The following RALGPS1 variants were observed in gnomAD, a reference collection of about 807,000 sequenced individuals.
RALGPS1 encodes Ral GEF with PH domain and SH3 binding motif 1.
In RALGPS1, 19 loss-of-function variants were observed where a neutral mutation model predicts 78.8. The observed-to-expected ratio is 0.24, with a 90% CI of 0.17 to 0.35. The LOEUF (loss-of-function observed/expected upper bound fraction) is 0.35. Among genes scored for constraint, RALGPS1 ranks in the 10% least tolerant of loss-of-function variants. The probability of loss-of-function intolerance (pLI) is 1.00; values close to 1 mark genes in which losing one functional copy is unlikely to be tolerated. For synonymous variants in RALGPS1, 228 were observed against 256.3 expected, an observed-to-expected ratio of 0.89 and a Z score of 1.06; for missense variants, 454 against 688.3, an observed-to-expected ratio of 0.66 and a Z score of 3.81.
chr9:127,083,755 C>T (rs1288125488), intron 8 of RALGPS1, among the ~76,000 whole-genome samples: 3 of 152,206 alleles, frequency 2.0e-5, no homozygotes, highest in Non-Finnish European at 4.4e-5. Context: ...TTAGCAGGTC[C>T]TTTGGTCTTT....
rs150529088 is a variant in RALGPS1 at position 127,091,809 on chromosome 9, G to A, written c.610+22453G>A. On this transcript the variant is annotated intron_variant, in intron 8 of 18. Coordinates refer to ENST00000259351, the MANE Select transcript of RALGPS1 (RefSeq NM_014636.3). This position sits in a 1 kb window ranked among gnomAD's most constrained non-coding sequence, Gnocchi z 4.3. ...TCTCAGGTTCCAGGCGGAAACTGGC[G>A]TATTCTGCAAAGACTTTGCGGCCGG... 7.7e-5 allele frequency: 125 copies of A among 1,614,186 alleles called. No individual in the cohort carries two copies. Among genetic ancestry groups the A allele is most frequent in the Middle Eastern group, 3.3e-4 (2 of 6,060 alleles).
At chr9:126,966,198 C>G (rs954080798) in intron 3 of RALGPS1, among the ~76,000 whole-genome samples, 1 of 152,132 alleles carries the variant, frequency 6.6e-6, no homozygotes, top group African/African-American at 2.4e-5. Flanking sequence ...ACTAAAGCAA[C>G]GTTTGTGGAG....
chr9:127,055,747 A>G (rs968967457), intron 7 of RALGPS1, among the ~76,000 whole-genome samples: 1 of 151,768 alleles, frequency 6.6e-6, no homozygotes, highest in Admixed American at 6.6e-5. Flanking sequence ...ATTCCAGCTT[A>G]CTCCCTGTCA....
At chr9:127,013,551 T>C (rs1301819273) in intron 4 of RALGPS1, among the ~76,000 whole-genome samples, 2 of 152,098 alleles carry the variant, frequency 1.3e-5, no homozygotes, top group Non-Finnish European at 2.9e-5. Flanking sequence ...TTTCCACCTG[T>C]CTGTCCCCAG....
chr9:126,940,622 T>C (rs2131415870), intron 1 of RALGPS1, among the ~76,000 whole-genome samples: 1 of 152,104 alleles, frequency 6.6e-6, no homozygotes, highest in East Asian at 1.9e-4. Context: ...TTTGTATTTG[T>C]AGTAGAGGTG....
rs144068098 is a variant in RALGPS1 at position 127,220,375 on chromosome 9, T to C, written c.*1606T>C. The C allele has an allele frequency of 5.3e-5, 8 of 152,320 alleles. No individual in the cohort carries two copies. The East Asian group carries it at 1.5e-3, about 29-fold the overall frequency. The allele number at this position is 152,320 out of a possible 1,614,324, so 9.4% of individuals were successfully genotyped here. A position where few individuals can be genotyped will look rare whatever the true frequency, so the allele number is the denominator to read the frequency against. On this transcript the variant is annotated 3_prime_UTR_variant, in exon 19 of 19. Coordinates refer to ENST00000259351, the MANE Select transcript of RALGPS1 (RefSeq NM_014636.3). Reference sequence around the variant, plus strand: ...TGTATTTTGACCAAATAATGACAACTTCTTTAGAAATTTGAATGGCTTGGT... The same window carrying C: ...TGTATTTTGACCAAATAATGACAACCTCTTTAGAAATTTGAATGGCTTGGT...
At chr9:126,922,421 T>G (rs1564255519) in intron 1 of RALGPS1, among the ~76,000 whole-genome samples, 1 of 152,214 alleles carries the variant, frequency 6.6e-6, no homozygotes, top group Non-Finnish European at 1.5e-5. Flanking sequence ...CCCACTGTTG[T>G]ATAAGCCTGA....
chr9:127,205,218 A>G lies in RALGPS1; in HGVS notation c.1247+6152A>G, dbSNP rs1288561010. On this transcript the variant is annotated intron_variant, in intron 14 of 18. Coordinates refer to ENST00000259351, the MANE Select transcript of RALGPS1 (RefSeq NM_014636.3). This position sits in a 1 kb window ranked among gnomAD's most constrained non-coding sequence, Gnocchi z 4.0. ...CACTGAGCCCTGGGCCATCTGTCCCAGCTTGGTGCATGACTCAGAGCCTGC... is the reference window on the plus strand; with the variant it reads ...CACTGAGCCCTGGGCCATCTGTCCCGGCTTGGTGCATGACTCAGAGCCTGC... Among the ~76,000 whole-genome samples the G allele has an allele frequency of 6.6e-6, 1 of 152,236 alleles. No homozygotes were observed. Among genetic ancestry groups the G allele is most frequent in the African/African-American group, 2.4e-5 (1 of 41,460 alleles).
intron 8 of RALGPS1, among the ~76,000 whole-genome samples, chr9:127,162,098 G>T (rs1041786894): frequency 6.6e-6 from 1 of 152,168 alleles, no homozygotes; most frequent in African/African-American, 2.4e-5. Context: ...TAAGGTTATT[G>T]TATGAGTTAA....
intron 5 of RALGPS1, among the ~76,000 whole-genome samples, chr9:127,042,566 A>C (rs1455957451): frequency 6.6e-6 from 1 of 152,252 alleles, no homozygotes; most frequent in African/African-American, 2.4e-5. Context: ...AACATCATAC[A>C]TAATGGTAAG....
intron 1 of RALGPS1, among the ~76,000 whole-genome samples, chr9:126,952,858 A>G (rs2037989521): frequency 6.6e-6 from 1 of 152,148 alleles, no homozygotes; most frequent in South Asian, 2.1e-4. Context: ...GAAAGGAGGA[A>G]GAGGCGGCTG....
chr9:127,045,247 TATA>T (rs2047651848), intron 5 of RALGPS1, among the ~76,000 whole-genome samples: 1 of 152,226 alleles, frequency 6.6e-6, no homozygotes, highest in South Asian at 2.1e-4. Context: ...TTTTGTTACG[TATA>T]ATATTACAAA....
At chr9:127,051,098 G>A (rs1212100585) in intron 6 of RALGPS1, among the ~76,000 whole-genome samples, 2 of 152,204 alleles carry the variant, frequency 1.3e-5, no homozygotes, top group African/African-American at 4.8e-5. Context: ...CCTCATGGGC[G>A]GGTTAAGTGC....
At chr9:127,203,378 T>C (rs1299293361) in intron 14 of RALGPS1, among the ~76,000 whole-genome samples, 1 of 152,148 alleles carries the variant, frequency 6.6e-6, no homozygotes, top group East Asian at 1.9e-4. Flanking sequence ...TTTTTAACAA[T>C]TGAAGTATGA....
At chr9:126,951,634 A>G (rs2037826758) in intron 1 of RALGPS1, among the ~76,000 whole-genome samples, 1 of 151,984 alleles carries the variant, frequency 6.6e-6, no homozygotes, top group East Asian at 1.9e-4. Flanking sequence ...CATGCTAAAA[A>G]CTCTCAATAA....
chr9:127,002,966 A>G (rs1331773781), intron 4 of RALGPS1, among the ~76,000 whole-genome samples: 8 of 152,118 alleles, frequency 5.3e-5, no homozygotes, highest in Non-Finnish European at 8.8e-5. Context: ...ATACCCAGTA[A>G]TGGGATGGCT....
chr9:127,052,801 T>C, intron 6 of RALGPS1, 46 bp from the exon 7 acceptor site: 1 of 1,256,522 alleles, frequency 8.0e-7, no homozygotes, highest in Non-Finnish European at 1.2e-6. Flanking sequence ...GTTTTTGTTC[T>C]GTTGTTTATA....
Position 127,091,618 on chromosome 9 carries a change from GGT to G in RALGPS1, c.610+22263_610+22264del. 4 of 1,582,258 alleles carry G rather than the reference GGT, an allele frequency of 2.5e-6. No individual in the cohort carries two copies. Among genetic ancestry groups the G allele is most frequent in the Non-Finnish European group, 2.6e-6 (3 of 1,163,114 alleles). ...CCCTGGAGTCAGGGGCTCTGGCTCT[GGT>G]TGACCTCTTTTCCCTACCCTGCACC... On this transcript the variant is annotated intron_variant, in intron 8 of 18. Transcript: ENST00000259351. This position sits in a 1 kb window ranked among gnomAD's most constrained non-coding sequence, Gnocchi z 4.3.
intron 14 of RALGPS1, among the ~76,000 whole-genome samples, chr9:127,204,400 A>G (rs1588548667): frequency 1.3e-5 from 2 of 152,308 alleles, no homozygotes; most frequent in South Asian, 4.2e-4. Flanking sequence ...GATGACAGGC[A>G]GGAGCCACTA....
Sources: gnomAD v4.1 joint callset for allele counts (sites outside exome capture counted in the v4.1 genomes callset) on GRCh38, gnomAD v4.1.1 for gene constraint, Gnocchi (gnomAD v3.1) non-coding constraint, MANE v1.5 for transcripts, NCBI Gene and HGNC (gene_info 2026-07-23, HGNC 2026-07-21) for gene names.